Variants in RALGPS1 observed in about 807,000 individuals in gnomAD.
RALGPS1 encodes the protein Ral GEF with PH domain and SH3 binding motif 1.
A neutral mutation model predicts 78.8 loss-of-function variants in RALGPS1; 19 were observed. The observed-to-expected ratio is 0.24, with a 90% CI of 0.17 to 0.35. The LOEUF is 0.35. Among genes scored for constraint, RALGPS1 ranks in the 10% least tolerant of loss-of-function variants. The pLI, the probability that RALGPS1 is intolerant of heterozygous loss-of-function variation, is 1.00. For synonymous variants in RALGPS1, 228 were observed against 256.3 expected (o/e 0.89, Z 1.06); for missense variants, 454 against 688.3 (o/e 0.66, Z 3.81).
intron 8 of RALGPS1, among the ~76,000 whole-genome samples, chr9:127,078,346 GTTACAAAAGGCCAGTGGAT>G (rs1589346332): frequency 6.6e-6 from 1 of 151,984 alleles, no homozygotes; most frequent in East Asian, 1.9e-4. Flanking sequence ...TTTCTCATTT[GTTACAAAAGGCCAGTGGAT>G]GTTATTAAAA....
chr9:127,210,434 A>G (rs2062178366), intron 14 of RALGPS1: 2 of 522,642 alleles, frequency 3.8e-6, no homozygotes, highest in East Asian at 6.6e-5. Flanking sequence ...TGACACTGGA[A>G]AAAGGGTGAA....
intron 10 of RALGPS1, among the ~76,000 whole-genome samples, chr9:127,169,185 A>G (rs570190916): frequency 1.3e-5 from 2 of 152,316 alleles, no homozygotes; most frequent in South Asian, 4.1e-4. Context: ...GTGGCAAGGC[A>G]GCTTCCAGCC....
At chr9:127,051,116 A>C (rs2048274898) in intron 6 of RALGPS1, among the ~76,000 whole-genome samples, 1 of 152,128 alleles carries the variant, frequency 6.6e-6, no homozygotes, top group Non-Finnish European at 1.5e-5. Flanking sequence ...TGCATCATCT[A>C]TTTATGTTAA....
intron 4 of RALGPS1, among the ~76,000 whole-genome samples, chr9:127,014,363 A>G (rs1182330035): frequency 1.3e-5 from 2 of 152,200 alleles, no homozygotes; most frequent in Non-Finnish European, 2.9e-5. Flanking sequence ...CACACCAGCC[A>G]TCTGTAGCCA....
intron 3 of RALGPS1, among the ~76,000 whole-genome samples, chr9:126,966,520 C>CAAAAAA (rs756980868): frequency 7.5e-5 from 4 of 53,408 alleles, no homozygotes; most frequent in Admixed American, 1.9e-4. Flanking sequence ...AACCCTGTCT[C>CAAAAAA]AAAAAAAAAA....
At chr9:126,974,990 G>GCGGCCT (rs1188233091) in intron 3 of RALGPS1, among the ~76,000 whole-genome samples, 1 of 151,740 alleles carries the variant, frequency 6.6e-6, no homozygotes, top group Non-Finnish European at 1.5e-5. Flanking sequence ...GTAAAACTGA[G>GCGGCCT]TGGCCTTGAG....
chr9:126,962,144 C>T (rs1369550014), intron 1 of RALGPS1, 81 bp from the exon 2 acceptor site: 2 of 725,590 alleles, frequency 2.8e-6, no homozygotes, highest in Admixed American at 2.2e-5. Flanking sequence ...ATGATCTGCT[C>T]AAGTCTGGTA....
At chr9:126,963,870 T>G (rs112060121) in intron 2 of RALGPS1, among the ~76,000 whole-genome samples, 2,377 of 152,310 alleles carry the variant, frequency 0.016, 24 homozygotes, top group Non-Finnish European at 0.026. Context: ...ATATTCTGTT[T>G]TCTGGAAGGT....
intron 1 of RALGPS1, among the ~76,000 whole-genome samples, chr9:126,952,094 G>A (rs2037878653): frequency 6.6e-6 from 1 of 152,154 alleles, no homozygotes; most frequent in African/African-American, 2.4e-5. Flanking sequence ...AAGTACTTAG[G>A]AATCCAACTT....
chr9:127,089,416 C>T (rs1380635143), intron 8 of RALGPS1, among the ~76,000 whole-genome samples: 1 of 152,208 alleles, frequency 6.6e-6, no homozygotes, highest in Admixed American at 6.5e-5. Context: ...ATGACGCCTG[C>T]CGCACAGGGC....
chr9:127,153,120 A>C (rs2058515498), intron 8 of RALGPS1, among the ~76,000 whole-genome samples: 1 of 152,190 alleles, frequency 6.6e-6, no homozygotes, highest in Non-Finnish European at 1.5e-5. Context: ...GACATAGTAT[A>C]TGTGAGTGTG....
At chr9:127,163,451 AT>A (rs1040772146) in intron 8 of RALGPS1, among the ~76,000 whole-genome samples, 36 of 152,368 alleles carry the variant, frequency 2.4e-4, no homozygotes, top group African/African-American at 8.7e-4. Context: ...AATTATTAAA[AT>A]TTTGGAAACA....
At chr9:127,120,717 A>G (rs1053176808) in intron 8 of RALGPS1, among the ~76,000 whole-genome samples, 32 of 151,780 alleles carry the variant, frequency 2.1e-4, no homozygotes, top group African/African-American at 7.5e-4. Context: ...AGCCCCAGCT[A>G]CTCGGGAGGC....
intron 8 of RALGPS1, among the ~76,000 whole-genome samples, chr9:127,074,043 C>T (rs1048420381): frequency 6.6e-6 from 1 of 152,106 alleles, no homozygotes; most frequent in South Asian, 2.1e-4. Flanking sequence ...CACCATGCCC[C>T]GCTAAGTTTT....
intron 8 of RALGPS1, among the ~76,000 whole-genome samples, chr9:127,126,271 A>G (rs182893119): frequency 1.4e-3 from 206 of 151,860 alleles, no homozygotes; most frequent in African/African-American, 4.7e-3. Context: ...TACATAATGG[A>G]TCTTCTGTTT....
chr9:127,089,096 G>A (rs770856713), intron 8 of RALGPS1: 1 of 1,614,232 alleles, frequency 6.2e-7, no homozygotes, highest in Non-Finnish European at 8.5e-7. Context: ...GTGGGCACAG[G>A]CGTTATACCA....
intron 8 of RALGPS1, among the ~76,000 whole-genome samples, chr9:127,100,500 A>T (rs1473547785): frequency 6.6e-6 from 1 of 152,180 alleles, no homozygotes; most frequent in East Asian, 1.9e-4. Flanking sequence ...AAGACATTTT[A>T]AAAAAGAGTT....
At chr9:127,089,251 G>T (rs2052153643) in intron 8 of RALGPS1, 1 of 1,141,874 alleles carries the variant, frequency 8.8e-7, no homozygotes, top group Non-Finnish European at 1.3e-6. Flanking sequence ...GAGCAAGAAC[G>T]CTTGAAAGGT....
chr9:127,190,939 T>C (rs1024428485), intron 11 of RALGPS1, among the ~76,000 whole-genome samples: 2 of 152,242 alleles, frequency 1.3e-5, no homozygotes, highest in African/African-American at 2.4e-5. Flanking sequence ...TCTGTTGTAA[T>C]AAAAAGATAT....
Sources: allele counts gnomAD v4.1 joint callset (sites outside exome capture counted in the v4.1 genomes callset), GRCh38; gene constraint gnomAD v4.1.1; transcripts MANE v1.5; gene names NCBI Gene and HGNC (gene_info 2026-07-23, HGNC 2026-07-21).